The following NEIL3 variants were observed in gnomAD, a reference collection of about 807,000 sequenced individuals.
NEIL3 encodes the protein endonuclease 8-like 3.
Under a neutral mutation model 57.5 loss-of-function variants are expected in NEIL3, and 48 were observed. The observed-to-expected ratio is 0.83, with a 90% confidence interval of 0.66 to 1.06. The LOEUF is 1.06. NEIL3 is among the 50% of genes least tolerant of loss of function. NEIL3 has a pLI of 0.00. For synonymous variants in NEIL3, 261 were observed against 253.2 expected (o/e 1.03, Z -0.29); for missense variants, 717 against 739.1 (o/e 0.97, Z 0.35).
At chr4:177,364,819 T>C (rs990076409), downstream of NEIL3, among the ~76,000 whole-genome samples, 4 of 151,738 alleles carry the variant, frequency 2.6e-5, no homozygotes, top group Non-Finnish European at 5.9e-5. Context: ...TCCCAGCTAC[T>C]GTGGAGGCTG....
downstream of NEIL3, among the ~76,000 whole-genome samples, chr4:177,367,052 G>A (rs914843571): frequency 2.0e-5 from 3 of 151,922 alleles, no homozygotes; most frequent in Non-Finnish European, 2.9e-5. Context: ...TTCCCCTTTG[G>A]TTTTGGGAGC....
downstream of NEIL3, among the ~76,000 whole-genome samples, chr4:177,366,325 C>G (rs988475381): frequency 3.3e-5 from 5 of 152,142 alleles, no homozygotes; most frequent in African/African-American, 1.2e-4. Context: ...CATATTAATT[C>G]TAATTGTACA....
At chr4:177,360,805 C>T in intron 9 of NEIL3, 128 bp downstream of exon 9, 1 of 661,150 alleles carries the variant, frequency 1.5e-6, no homozygotes, top group Non-Finnish European at 2.4e-6. Flanking sequence ...TATTGGCATT[C>T]AGTCTAAAGC....
At chr4:177,317,318 T>A (rs1282275126) in intron 1 of NEIL3, among the ~76,000 whole-genome samples, 1 of 152,200 alleles carries the variant, frequency 6.6e-6, no homozygotes, top group Non-Finnish European at 1.5e-5. Context: ...AGACTTTAGT[T>A]GGAGGTTCTC....
intron 1 of NEIL3, among the ~76,000 whole-genome samples, chr4:177,317,309 G>A (rs1734593202): frequency 6.6e-6 from 1 of 152,168 alleles, no homozygotes. Context: ...ACACCTTTAA[G>A]ACTTTAGTTG....
At chr4:177,339,891 A>C in intron 5 of NEIL3, 34 bp downstream of exon 5, 1 of 1,385,704 alleles carries the variant, frequency 7.2e-7, no homozygotes, top group Non-Finnish European at 1.0e-6. Flanking sequence ...TGTAAAATGT[A>C]AAATGTCAGT....
At chr4:177,327,821 C>T (rs763958250) in intron 2 of NEIL3, among the ~76,000 whole-genome samples, 17 of 152,008 alleles carry the variant, frequency 1.1e-4, no homozygotes, top group Middle Eastern at 3.2e-3. Context: ...TTTCTTACTT[C>T]ATTTGTTTAT....
chr4:177,358,075 G>A (rs1735517706), intron 8 of NEIL3, among the ~76,000 whole-genome samples: 1 of 152,148 alleles, frequency 6.6e-6, no homozygotes, highest in Non-Finnish European at 1.5e-5. Flanking sequence ...TGTGATACAG[G>A]TGGCATTAGT....
chr4:177,316,752 G>A lies in NEIL3; in HGVS notation c.157-5707G>A, dbSNP rs528154361. 2.0e-5 allele frequency among the ~76,000 whole-genome samples: 3 copies of A among 152,254 alleles called. No individual in the cohort carries two copies. The South Asian group carries it at 6.2e-4, about 32-fold the overall frequency. ...TTAGCTAAACTTGTTACTGTCCCCAGAGAGCTTATAGACAGGGGAGAAATG... is the reference window on the plus strand; with the variant it reads ...TTAGCTAAACTTGTTACTGTCCCCAAAGAGCTTATAGACAGGGGAGAAATG... On this transcript the variant is annotated intron_variant, in intron 1 of 9. Coordinates refer to ENST00000264596, the MANE Select transcript of NEIL3 (RefSeq NM_018248.3).
chr4:177,318,373 C>A (rs959104754), intron 1 of NEIL3, among the ~76,000 whole-genome samples: 2 of 152,042 alleles, frequency 1.3e-5, no homozygotes, highest in African/African-American at 4.8e-5. Flanking sequence ...TTAAATGATA[C>A]AAAAAATTTT....
chr4:177,337,458 A>G (rs74435710), intron 4 of NEIL3, among the ~76,000 whole-genome samples: 5,702 of 152,274 alleles, frequency 0.037, 279 homozygotes, highest in East Asian at 0.28. Context: ...TGATAGGTCT[A>G]GATTAGATTC....
intron 5 of NEIL3, 67 bp downstream of exon 5, chr4:177,339,924 A>G: frequency 9.7e-7 from 1 of 1,027,810 alleles, no homozygotes; most frequent in South Asian, 1.3e-5. Flanking sequence ...GAGTGCACCA[A>G]AAAATGTGAA....
intron 6 of NEIL3, among the ~76,000 whole-genome samples, chr4:177,345,163 GGAA>G (rs766149125): frequency 6.6e-6 from 1 of 152,168 alleles, no homozygotes; most frequent in Non-Finnish European, 1.5e-5. Context: ...ATGGAAGTAT[GGAA>G]GAAGAAACAC....
chr4:177,312,146 G>C (rs1010412124), intron 1 of NEIL3, among the ~76,000 whole-genome samples: 8 of 152,092 alleles, frequency 5.3e-5, no homozygotes, highest in Non-Finnish European at 1.2e-4. Context: ...ATTTCATTCA[G>C]TCATGAAAAA....
intron 6 of NEIL3, among the ~76,000 whole-genome samples, chr4:177,345,738 G>C (rs34516075): frequency 9.4e-5 from 13 of 138,800 alleles, no homozygotes; most frequent in African/African-American, 3.5e-4. Flanking sequence ...CACCCAGGCC[G>C]GAGTGCAGTG....
At chr4:177,323,515 G>A (rs1459289973) in intron 2 of NEIL3, among the ~76,000 whole-genome samples, 1 of 152,126 alleles carries the variant, frequency 6.6e-6, no homozygotes, top group East Asian at 1.9e-4. Context: ...TTCCTTTGAG[G>A]TGTTCTCTTT....
rs376062379 is a variant in NEIL3 at position 177,351,432 on chromosome 4, C to T, written c.922C>T (p.His308Tyr). 6.2e-7 allele frequency: 1 copy of T among 1,613,782 alleles called. No individual in the cohort carries two copies. The highest frequency in any genetic ancestry group is 1.1e-5 in the South Asian group (1 of 91,060). The change falls in exon 7 of 10, where the codon CAT becomes TAT. Residue 308 changes from histidine (H) to tyrosine (Y), a missense_variant. His to Tyr is a moderately conservative substitution (Grantham distance 83, BLOSUM62 2). Transcript: ENST00000264596. ...CAGTTGGACATCTAGCAGGGTGGAT[C>T]ATGTTATGGACTCCGTGGCTCGGAA... is the stretch of plus-strand genomic sequence containing the variant. ...IISWTSSRVDHVMDSVARKSE... is the reference protein window; with the variant it reads ...IISWTSSRVDYVMDSVARKSE...
At chr4:177,317,441 C>G (rs888465050) in intron 1 of NEIL3, among the ~76,000 whole-genome samples, 13 of 151,990 alleles carry the variant, frequency 8.6e-5, no homozygotes, top group Admixed American at 5.9e-4. Flanking sequence ...ATTTTTGACT[C>G]CTTTTCCTTT....
At position 177,358,727 on chromosome 4, in the gene NEIL3, C is replaced by T. The variant is rs1424775059; in HGVS notation, c.1461-1776C>T. Among the ~76,000 whole-genome samples the T allele has an allele frequency of 2.0e-5, 3 of 152,252 alleles. No homozygotes were observed. The East Asian group carries it at 5.8e-4, about 29-fold the overall frequency. On this transcript the variant is annotated intron_variant, in intron 8 of 9. Transcript: ENST00000264596. ...TTTAATCCTACCTTCTACCTTGGCC[C>T]TTCTCCCCAGAAAAATTTTAATACA...
Sources: gnomAD v4.1 joint callset for allele counts (sites outside exome capture counted in the v4.1 genomes callset) on GRCh38, gnomAD v4.1.1 for gene constraint, MANE v1.5 for transcripts, NCBI Gene and HGNC (gene_info 2026-07-23, HGNC 2026-07-21) for gene names.